The following SLC25A16 variants were observed in gnomAD, a reference collection of about 807,000 sequenced individuals.
SLC25A16 encodes the protein mitochondrial coenzyme A transporter SLC25A16.
A neutral mutation model predicts 41.5 loss-of-function variants in SLC25A16; 39 were observed. The ratio of observed to expected loss-of-function variants is 0.94; its 90% confidence interval spans 0.73 to 1.23. The LOEUF (loss-of-function observed/expected upper bound fraction) is 1.23. Ranked by LOEUF, SLC25A16 falls within the 50% of genes most tolerant of loss-of-function variation. The probability of loss-of-function intolerance (pLI) is 0.00; values close to 1 mark genes in which losing one functional copy is unlikely to be tolerated. For missense variants in SLC25A16, 421 were observed against 426.9 expected (o/e 0.99, Z 0.12); for synonymous variants, 146 against 147.8 (o/e 0.99, Z 0.09).
At chr10:68,519,770 C>A in intron 1 of SLC25A16, among the ~76,000 whole-genome samples, 1 of 150,930 alleles carries the variant, frequency 6.6e-6, no homozygotes, top group East Asian at 2.0e-4. Context: ...CAAAAATTAG[C>A]CAGGTGTGGT....
At chr10:68,494,619 G>C (rs10998226) in intron 4 of SLC25A16, among the ~76,000 whole-genome samples, 1 of 149,794 alleles carries the variant, frequency 6.7e-6, no homozygotes, top group East Asian at 2.0e-4. Flanking sequence ...GCTCACGCCT[G>C]TAGTCCCAAC....
intron 4 of SLC25A16, 117 bp from the exon 5 acceptor site, chr10:68,493,687 G>A: frequency 1.3e-6 from 1 of 793,804 alleles, no homozygotes; most frequent in Non-Finnish European, 2.1e-6. Context: ...TAAAATCAAA[G>A]GTGATATTAC....
chr10:68,500,352 C>G (rs1283417479), intron 4 of SLC25A16, among the ~76,000 whole-genome samples: 1 of 152,074 alleles, frequency 6.6e-6, no homozygotes, highest in Non-Finnish European at 1.5e-5. Context: ...CTGTTGCCAA[C>G]GCTGGAGTGT....
At chr10:68,487,728 G>C (rs573886696) in intron 7 of SLC25A16, among the ~76,000 whole-genome samples, 114 of 152,332 alleles carry the variant, frequency 7.5e-4, no homozygotes, top group African/African-American at 2.6e-3. Context: ...AACCCCAGTA[G>C]AGAACTGCTC....
At chr10:68,496,904 G>C (rs1399880250) in intron 4 of SLC25A16, 1 of 156,934 alleles carries the variant, frequency 6.4e-6, no homozygotes, top group Non-Finnish European at 1.4e-5. Flanking sequence ...TCAAACTCCT[G>C]GGCTCAAATG....
Position 68,527,278 on chromosome 10 carries a change from T to C in SLC25A16, c.98A>G (p.Asp33Gly), listed in dbSNP as rs1439211475. The part of the protein sequence containing the change: ...AGAGGPTTRR[D>G]FYWLRSFLAG... ...CAGAAAGGAGCGCAGCCAGTAGAAG[T>C]CTCTGCGGGTTGTGGGCCCTCCGGC... The change falls in exon 1 of 9, where the codon GAC (aspartate) becomes GGC (glycine). Residue 33 changes from aspartate (D) to glycine (G), a missense_variant. Physicochemically the swap from Asp to Gly is moderately conservative, Grantham distance 94 (BLOSUM62 -1). Coordinates refer to ENST00000609923, the MANE Select transcript of SLC25A16 (RefSeq NM_152707.4). The C allele has an allele frequency of 6.5e-6, 10 of 1,548,040 alleles. No homozygotes were observed. The East Asian group carries it at 2.2e-4, about 34-fold the overall frequency.
intron 1 of SLC25A16, among the ~76,000 whole-genome samples, chr10:68,518,474 G>A (rs2053196914): frequency 6.6e-6 from 1 of 151,542 alleles, no homozygotes; most frequent in Non-Finnish European, 1.5e-5. Flanking sequence ...CATATTCTGA[G>A]ATATCCAAAA....
intron 1 of SLC25A16, 101 bp downstream of exon 1, chr10:68,527,145 C>T: frequency 8.0e-7 from 1 of 1,254,056 alleles, no homozygotes; most frequent in Non-Finnish European, 1.1e-6. Context: ...ATTGAAGCAG[C>T]CAGAGTCCAG....
chr10:68,519,379 C>T lies in SLC25A16; in HGVS notation c.131-2536G>A, dbSNP rs182690600. Among the ~76,000 whole-genome samples the T allele has an allele frequency of 4.2e-3, 629 of 148,126 alleles. 8 individuals are homozygous for T. Among genetic ancestry groups the T allele is most frequent in the African/African-American group, 0.015 (606 of 40,062 alleles). On this transcript the variant is annotated intron_variant, in intron 1 of 8. Transcript: ENST00000609923. ...GCGGACACCTGTAATCCCAGCTACT[C>T]GGGAGGCTGAGGCAGAGAATTGCCT...
chr10:68,499,753 T>TA (rs755969354), intron 4 of SLC25A16: 10 of 398,984 alleles, frequency 2.5e-5, no homozygotes, highest in Non-Finnish European at 3.4e-5. Context: ...AGTCCAGGCT[T>TA]ACAGGAAGAA....
At position 68,479,539 on chromosome 10, in the gene SLC25A16, C is replaced by CTCA; in HGVS notation, c.*3890_*3892dup. 6.6e-6 allele frequency: 1 copy of CTCA among 151,996 alleles called. No individual in the cohort carries two copies. Among genetic ancestry groups the CTCA allele is most frequent in the East Asian group, 1.9e-4 (1 of 5,180 alleles). 9.4% of individuals were successfully genotyped at this position (151,996 alleles called of 1,614,324 possible). ...AATGGAATGAGGACAGGAGCACTGG[C>CTCA]TCATGCCAGTAGTCCCAGCATTTTG... On this transcript the variant is annotated 3_prime_UTR_variant, in exon 9 of 9. Transcript: ENST00000609923.
chr10:68,515,724 G>A (rs1193412819), intron 2 of SLC25A16, among the ~76,000 whole-genome samples: 1 of 152,096 alleles, frequency 6.6e-6, no homozygotes. Flanking sequence ...CTTGAACCTG[G>A]GAGGCAGAGG....
At chr10:68,485,965 T>C (rs2052553581) in intron 8 of SLC25A16, among the ~76,000 whole-genome samples, 1 of 150,500 alleles carries the variant, frequency 6.6e-6, no homozygotes, top group Non-Finnish European at 1.5e-5. Context: ...ACCCGGCTAA[T>C]TTTTTGTATT....
chr10:68,519,421 G>T (rs1478863814), intron 1 of SLC25A16, among the ~76,000 whole-genome samples: 2 of 151,650 alleles, frequency 1.3e-5, no homozygotes, highest in Admixed American at 1.3e-4. Flanking sequence ...GGGAGGCAGA[G>T]GTCTCAGTGA....
chr10:68,516,480 G>T (rs981714867), intron 2 of SLC25A16, among the ~76,000 whole-genome samples: 2 of 152,162 alleles, frequency 1.3e-5, no homozygotes, highest in Non-Finnish European at 2.9e-5. Flanking sequence ...GCATGCCAGG[G>T]CAAATATTTA....
intron 6 of SLC25A16, among the ~76,000 whole-genome samples, chr10:68,490,024 G>A (rs1281467565): frequency 6.6e-6 from 1 of 152,098 alleles, no homozygotes; most frequent in African/African-American, 2.4e-5. Context: ...ACTTATGGAG[G>A]CTAAGGTGGG....
intron 1 of SLC25A16, among the ~76,000 whole-genome samples, chr10:68,519,271 G>C (rs888440714): frequency 6.6e-6 from 1 of 151,424 alleles, no homozygotes. Context: ...GGTGGATCAC[G>C]AGGTCAGGAG....
At chr10:68,504,700 A>G (rs1186239163) in intron 3 of SLC25A16, among the ~76,000 whole-genome samples, 1 of 150,616 alleles carries the variant, frequency 6.6e-6, no homozygotes, top group Admixed American at 6.6e-5. Context: ...TTTTGTTTTG[A>G]TTCGGAGTCT....
chr10:68,516,672 C>A, intron 2 of SLC25A16, 79 bp downstream of exon 2: 1 of 980,626 alleles, frequency 1.0e-6, no homozygotes, highest in Non-Finnish European at 1.5e-6. Context: ...CTTTTTACAC[C>A]CCCAAACTTA....
Sources: allele counts gnomAD v4.1 joint callset (sites outside exome capture counted in the v4.1 genomes callset), GRCh38; gene constraint gnomAD v4.1.1; transcripts MANE v1.5; gene names NCBI Gene and HGNC (gene_info 2026-07-23, HGNC 2026-07-21).